FHIP1A: variants seen among roughly 807,000 people sequenced by gnomAD.
The protein encoded by FHIP1A is FHF complex subunit HOOK-interacting protein 1A.
FHIP1A carries 61 observed loss-of-function variants against 88.6 expected under a neutral mutation model. The ratio of observed to expected loss-of-function variants is 0.69; its 90% CI spans 0.56 to 0.85. The LOEUF (loss-of-function observed/expected upper bound fraction) is 0.85. FHIP1A is among the 40% of genes least tolerant of loss of function. The pLI is 0.00. For synonymous variants in FHIP1A, 478 were observed against 496.0 expected (o/e 0.96, Z 0.48); for missense variants, 1,154 against 1,273.5 (o/e 0.91, Z 1.43).
chr4:151,486,307 C>G (rs1730080664), intron 3 of FHIP1A, among the ~76,000 whole-genome samples: 1 of 152,036 alleles, frequency 6.6e-6, no homozygotes, highest in Admixed American at 6.5e-5. Flanking sequence ...TTTTTCTTGT[C>G]CTTGGTCTCC....
chr4:151,498,678 G>T (rs1425909871), intron 3 of FHIP1A, among the ~76,000 whole-genome samples: 1 of 152,134 alleles, frequency 6.6e-6, no homozygotes, highest in Non-Finnish European at 1.5e-5. Flanking sequence ...AGCCGCGCAT[G>T]GTGGTGGGTG....
chr4:151,588,815 T>C, intron 6 of FHIP1A, 25 bp from the exon 7 acceptor site: 1 of 1,440,344 alleles, frequency 6.9e-7, no homozygotes, highest in Non-Finnish European at 9.6e-7. Context: ...TTTGCCTTTT[T>C]CATGCCTATG....
At chr4:151,649,195 C>A (rs559595856) in intron 10 of FHIP1A, among the ~76,000 whole-genome samples, 1 of 152,310 alleles carries the variant, frequency 6.6e-6, no homozygotes, top group Admixed American at 6.5e-5. Context: ...TCTAATGACT[C>A]GTACCAGATA....
intron 8 of FHIP1A, among the ~76,000 whole-genome samples, chr4:151,630,936 A>G (rs891866377): frequency 4.6e-5 from 7 of 152,378 alleles, no homozygotes; most frequent in African/African-American, 1.7e-4. Context: ...AAGGAAAATG[A>G]GAATTTACTT....
chr4:151,500,662 A>C (rs1466738432), intron 3 of FHIP1A, among the ~76,000 whole-genome samples: 2 of 152,164 alleles, frequency 1.3e-5, no homozygotes, highest in Non-Finnish European at 2.9e-5. Context: ...TGTAACTGCT[A>C]TTGAAGCCTA....
intron 3 of FHIP1A, among the ~76,000 whole-genome samples, chr4:151,509,544 C>T (rs1312646859): frequency 3.9e-5 from 6 of 152,152 alleles, no homozygotes; most frequent in African/African-American, 4.8e-5. Context: ...CCTTGGAGAC[C>T]GAGGGCACCA....
At chr4:151,539,214 GA>G (rs1732178273) in intron 3 of FHIP1A, among the ~76,000 whole-genome samples, 1 of 152,132 alleles carries the variant, frequency 6.6e-6, no homozygotes. Flanking sequence ...TTTTAAGCAA[GA>G]ATAACCATGA....
At chr4:151,650,823 T>G (rs1737003874) in intron 11 of FHIP1A, among the ~76,000 whole-genome samples, 1 of 152,220 alleles carries the variant, frequency 6.6e-6, no homozygotes, top group Non-Finnish European at 1.5e-5. Flanking sequence ...ACTTAGTAAC[T>G]TCTTTTGATA....
intron 1 of FHIP1A, among the ~76,000 whole-genome samples, chr4:151,427,117 C>T (rs1733410045): frequency 6.6e-6 from 1 of 151,940 alleles, no homozygotes; most frequent in Admixed American, 6.6e-5. Context: ...AACTTTAGTA[C>T]CTTAATGATT....
chr4:151,606,807 C>G (rs145286942), intron 7 of FHIP1A, among the ~76,000 whole-genome samples: 1 of 152,148 alleles, frequency 6.6e-6, no homozygotes, highest in African/African-American at 2.4e-5. Flanking sequence ...TGGAGTAAAC[C>G]AGTGACTTAG....
At chr4:151,473,215 A>ATCTCGCC (rs1729587750) in intron 2 of FHIP1A, among the ~76,000 whole-genome samples, 1 of 152,178 alleles carries the variant, frequency 6.6e-6, no homozygotes, top group African/African-American at 2.4e-5. Context: ...TCCTTAGAGA[A>ATCTCGCC]AGGACTAAAT....
At chr4:151,516,771 A>G (rs1731254641) in intron 3 of FHIP1A, among the ~76,000 whole-genome samples, 2 of 152,036 alleles carry the variant, frequency 1.3e-5, no homozygotes, top group Non-Finnish European at 2.9e-5. Context: ...CACACCAGTT[A>G]GAATGGCAAT....
intron 1 of FHIP1A, among the ~76,000 whole-genome samples, chr4:151,409,737 A>C (rs1298839913): frequency 6.6e-6 from 1 of 151,972 alleles, no homozygotes; most frequent in Non-Finnish European, 1.5e-5. Flanking sequence ...TGACCCTGGG[A>C]GAGAGAGAGC....
chr4:151,586,920 T>C, intron 6 of FHIP1A, 121 bp downstream of exon 6: 1 of 768,570 alleles, frequency 1.3e-6, no homozygotes, highest in Non-Finnish European at 1.9e-6. Context: ...GGAATATTGG[T>C]GCTTTAAGCC....
intron 13 of FHIP1A, among the ~76,000 whole-genome samples, chr4:151,659,109 C>A (rs1301119931): frequency 1.3e-5 from 2 of 152,140 alleles, no homozygotes; most frequent in Non-Finnish European, 2.9e-5. Flanking sequence ...GTTCTCACTG[C>A]CTAAGGTTGT....
chr4:151,552,520 T>A (rs1732778983), intron 3 of FHIP1A, among the ~76,000 whole-genome samples: 1 of 152,210 alleles, frequency 6.6e-6, no homozygotes, highest in African/African-American at 2.4e-5. Context: ...ATTCTTGTTC[T>A]TTGCAGGGAC....
intron 3 of FHIP1A, among the ~76,000 whole-genome samples, chr4:151,535,082 G>A (rs1472308350): frequency 6.6e-6 from 1 of 152,116 alleles, no homozygotes; most frequent in Admixed American, 6.5e-5. Flanking sequence ...GGGTGTGGTG[G>A]TGCACACCTG....
chr4:151,461,755 TGTAA>T (rs1310689155), intron 2 of FHIP1A, among the ~76,000 whole-genome samples: 1 of 152,214 alleles, frequency 6.6e-6, no homozygotes, highest in African/African-American at 2.4e-5. Flanking sequence ...GTTGGGACTG[TGTAA>T]GTGATTGGAT....
At chr4:151,495,919 G>T (rs1730445771) in intron 3 of FHIP1A, among the ~76,000 whole-genome samples, 1 of 151,916 alleles carries the variant, frequency 6.6e-6, no homozygotes, top group South Asian at 2.1e-4. Flanking sequence ...CACTGTGCCT[G>T]GCCTATATAT....
Sources: allele counts gnomAD v4.1 joint callset (sites outside exome capture counted in the v4.1 genomes callset), GRCh38; gene constraint gnomAD v4.1.1; transcripts MANE v1.5; gene names NCBI Gene and HGNC (gene_info 2026-07-23, HGNC 2026-07-21).